Variants in CHFR observed in about 807,000 individuals in gnomAD.
CHFR encodes the protein E3 ubiquitin-protein ligase CHFR.
Under a neutral mutation model 87.6 loss-of-function variants are expected in CHFR, and 57 were observed. The ratio of observed to expected loss-of-function variants is 0.65; its 90% CI spans 0.53 to 0.81. The LOEUF (loss-of-function observed/expected upper bound fraction) is 0.81. CHFR is among the 30% of genes least tolerant of loss of function. The pLI is 0.00. For synonymous variants in CHFR, 381 were observed against 359.2 expected (o/e 1.06, Z -0.69); for missense variants, 797 against 865.8 (o/e 0.92, Z 1.00).
intron 6 of CHFR, chr12:132,867,775 C>G (rs558346825): frequency 6.6e-6 from 1 of 152,044 alleles, no homozygotes; most frequent in African/African-American, 2.4e-5. Context: ...CCAGACGACA[C>G]GAAGAAAGCC....
Position 132,835,721 on chromosome 12 carries a change from G to A in CHFR, c.*5833C>T, listed in dbSNP as rs998182523. The A allele has an allele frequency of 4.0e-6, 1 of 251,276 alleles. No individual in the cohort carries two copies. Among genetic ancestry groups the A allele is most frequent in the Non-Finnish European group, 7.9e-6 (1 of 126,110 alleles). 15.6% of individuals were successfully genotyped at this position (251,276 alleles called of 1,614,324 possible). A position where few individuals can be genotyped will look rare whatever the true frequency, so the allele number is the denominator to read the frequency against. On this transcript the variant is annotated 3_prime_UTR_variant, in exon 18 of 18. Coordinates refer to ENST00000450056, the MANE Select transcript of CHFR (RefSeq NM_001161346.2). ...CTGTTGTTTAAGCCGCCTGTTCTGC[G>A]GCGTTTTGATCCAGCGGCCCAAGTG...
At chr12:132,870,861 A>T in intron 4 of CHFR, 78 bp from the exon 5 acceptor site, 1 of 827,200 alleles carries the variant, frequency 1.2e-6, no homozygotes, top group Non-Finnish European at 2.0e-6. Flanking sequence ...TCTGTTCTCC[A>T]GTCCATTTGT....
chr12:132,841,260 C>A lies in CHFR; in HGVS notation c.*294G>T. ...GAAAATGTACAAAAGAGCAAAACTG[C>A]CCCTCTCGGCGGGACGGCCGCATGT... On this transcript the variant is annotated 3_prime_UTR_variant, in exon 18 of 18. Coordinates refer to ENST00000450056, the MANE Select transcript of CHFR (RefSeq NM_001161346.2). 1 of 337,980 alleles carries A rather than the reference C, an allele frequency of 3.0e-6. No individual in the cohort carries two copies. Among genetic ancestry groups the A allele is most frequent in the Non-Finnish European group, 5.4e-6 (1 of 185,432 alleles). The allele number at this position is 337,980 out of a possible 1,614,324, so 20.9% of individuals were successfully genotyped here.
rs921980319 is a variant in CHFR, at chr12:132,838,243, C to T, written c.*3311G>A. The T allele has an allele frequency of 6.6e-6, 1 of 152,546 alleles. No homozygotes were observed. The highest frequency in any genetic ancestry group is 1.5e-5 in the Non-Finnish European group (1 of 68,312). The allele number at this position is 152,546 out of a possible 1,614,324, so 9.4% of individuals were successfully genotyped here. ...GCCCGACCACTCCCATCCTGCTGGC[C>T]CTGAGGTCATTAAGATGACTTAAAG... On this transcript the variant is annotated 3_prime_UTR_variant, in exon 18 of 18. Transcript: ENST00000450056.
At position 132,835,607 on chromosome 12, in the gene CHFR, C is replaced by A. The variant is rs1037601595; in HGVS notation, c.*5947G>T. 1 of 179,296 alleles carries A rather than the reference C, an allele frequency of 5.6e-6. No homozygotes were observed. Among genetic ancestry groups the A allele is most frequent in the South Asian group, 9.8e-5 (1 of 10,226 alleles). 11.1% of individuals were successfully genotyped at this position (179,296 alleles called of 1,614,324 possible). ...TGAGAACTCAAGGAGATGCTGCCCACGAGCCAAGGAGACAGACCAAAGAGG... is the reference window on the plus strand; with the variant it reads ...TGAGAACTCAAGGAGATGCTGCCCAAGAGCCAAGGAGACAGACCAAAGAGG... On this transcript the variant is annotated 3_prime_UTR_variant, in exon 18 of 18. Transcript: ENST00000450056.
chr12:132,865,295 G>T (rs896544189), intron 6 of CHFR, among the ~76,000 whole-genome samples: 2 of 152,192 alleles, frequency 1.3e-5, no homozygotes, highest in African/African-American at 4.8e-5. Flanking sequence ...TACGATGAAG[G>T]GTACACAGCC....
At position 132,859,586 on chromosome 12, in the gene CHFR, G is replaced by A. The variant is rs1034421533; in HGVS notation, c.752-359C>T. Reference sequence around the variant, plus strand: ...AGGATGGTCTCAATCTCCTGACCTCGTGATCCACCCGCCTCGGCCTCCCAA... The same window carrying A: ...AGGATGGTCTCAATCTCCTGACCTCATGATCCACCCGCCTCGGCCTCCCAA... On this transcript the variant is annotated intron_variant, in intron 7 of 17. Transcript: ENST00000450056. Among the ~76,000 whole-genome samples the A allele has an allele frequency of 9.2e-5, 14 of 152,224 alleles. No homozygotes were observed. In the South Asian group the frequency reaches 1.5e-3, roughly 16 times the overall value.
At chr12:132,862,087 A>C (rs1951222118) in intron 6 of CHFR, among the ~76,000 whole-genome samples, 1 of 152,172 alleles carries the variant, frequency 6.6e-6, no homozygotes, top group Non-Finnish European at 1.5e-5. Context: ...AGCCTGGCCA[A>C]CATGGTGAAA....
intron 12 of CHFR, among the ~76,000 whole-genome samples, chr12:132,850,748 C>G (rs1950920960): frequency 6.6e-6 from 1 of 152,082 alleles, no homozygotes; most frequent in Non-Finnish European, 1.5e-5. Flanking sequence ...GCTCAGTGCA[C>G]AGAGCAACAC....
Position 132,858,997 on chromosome 12 carries a change from A to G in CHFR, c.911+71T>C, listed in dbSNP as rs1593477190. On this transcript the variant is annotated intron_variant, in intron 8 of 17. Coordinates refer to ENST00000450056, the MANE Select transcript of CHFR (RefSeq NM_001161346.2). ...GGACCTGCAGGCTTGTCTCATGCCC[A>G]GCCCTGCCCCACACGGGACGAAGAA... 5 of 1,467,880 alleles carry G rather than the reference A, an allele frequency of 3.4e-6. No individual in the cohort carries two copies. In the South Asian group the frequency reaches 6.5e-5, roughly 19 times the overall value. The allele number at this position is 1,467,880 out of a possible 1,614,324, so 90.9% of individuals were successfully genotyped here.
At chr12:132,850,941 TTAA>T (rs1168393171) in intron 12 of CHFR, among the ~76,000 whole-genome samples, 1 of 148,382 alleles carries the variant, frequency 6.7e-6, no homozygotes, top group Non-Finnish European at 1.5e-5. Flanking sequence ...AGCTCCATTT[TTAA>T]TAATAACTGT....
intron 6 of CHFR, chr12:132,866,537 G>A (rs529039039): frequency 8.0e-5 from 12 of 150,386 alleles, no homozygotes; most frequent in Non-Finnish European, 1.5e-4. Context: ...ACAACACACC[G>A]GATGTTACAA....
At chr12:132,868,531 T>TTAGCTG (rs1361493061) in intron 6 of CHFR, among the ~76,000 whole-genome samples, 1 of 144,656 alleles carries the variant, frequency 6.9e-6, no homozygotes, top group African/African-American at 2.6e-5. Context: ...CAAAAAAAAA[T>TTAGCTG]TAGCTGGGCG....
At chr12:132,867,156 G>GAAGA (rs1212211000) in intron 6 of CHFR, 1 of 152,316 alleles carries the variant, frequency 6.6e-6, no homozygotes, top group Non-Finnish European at 1.5e-5. Context: ...GGAGAGGTGT[G>GAAGA]GCTGCCCGTG....
At chr12:132,846,252 T>C (rs1456353582) in intron 15 of CHFR, among the ~76,000 whole-genome samples, 2 of 143,922 alleles carry the variant, frequency 1.4e-5, no homozygotes, top group Non-Finnish European at 3.0e-5. Context: ...TACAGGTTCA[T>C]GCTTAACTGT....
At chr12:132,852,025 T>C (rs1950958713) in intron 11 of CHFR, among the ~76,000 whole-genome samples, 1 of 151,782 alleles carries the variant, frequency 6.6e-6, no homozygotes. Context: ...ACTCTGTCGC[T>C]CAGGCTGGAC....
chr12:132,882,101 T>C (rs150549422), intron 2 of CHFR, among the ~76,000 whole-genome samples: 238 of 152,312 alleles, frequency 1.6e-3, no homozygotes, highest in African/African-American at 5.1e-3. Context: ...ACACTTATGT[T>C]TATATTAGCT....
chr12:132,879,275 T>G (rs7966694), intron 2 of CHFR, among the ~76,000 whole-genome samples: 147,593 of 152,234 alleles, frequency 0.97, 71,716 homozygotes, highest in South Asian at 1. Flanking sequence ...GATTACAGGC[T>G]TGAGCCACCG....
At chr12:132,864,619 G>A (rs1000835794) in intron 6 of CHFR, among the ~76,000 whole-genome samples, 2 of 152,136 alleles carry the variant, frequency 1.3e-5, no homozygotes, top group Admixed American at 6.5e-5. Flanking sequence ...CTCCCGAGTA[G>A]CTGGGATTAC....
Sources: gnomAD v4.1 joint callset for allele counts (sites outside exome capture counted in the v4.1 genomes callset) on GRCh38, gnomAD v4.1.1 for gene constraint, MANE v1.5 for transcripts, NCBI Gene and HGNC (gene_info 2026-07-23, HGNC 2026-07-21) for gene names.